The following TTC7A variants were observed in gnomAD, a reference collection of about 807,000 sequenced individuals.
The protein encoded by TTC7A is tetratricopeptide repeat domain 7A.
TTC7A carries 110 observed loss-of-function variants against 103.7 expected under a neutral mutation model. The ratio of observed to expected loss-of-function variants is 1.06; its 90% CI spans 0.91 to 1.24. The LOEUF (loss-of-function observed/expected upper bound fraction) is 1.24, where lower values mean the gene tolerates loss of function less well. TTC7A is among the 50% of genes most tolerant of loss of function. The pLI, the probability that TTC7A is intolerant of heterozygous loss-of-function variation, is 0.00. For synonymous variants in TTC7A, 521 were observed against 467.9 expected (o/e 1.11, Z -1.47); for missense variants, 1,340 against 1,116.3 (o/e 1.20, Z -2.86).
At chr2:47,039,276 A>C (rs980637513) in intron 15 of TTC7A, among the ~76,000 whole-genome samples, 26 of 152,214 alleles carry the variant, frequency 1.7e-4, no homozygotes, top group African/African-American at 6.3e-4. Flanking sequence ...GGTGCTGAGT[A>C]ACTACAGGGA....
chr2:47,042,118 T>C (rs1163226963), intron 15 of TTC7A, among the ~76,000 whole-genome samples: 1 of 152,160 alleles, frequency 6.6e-6, no homozygotes, highest in Non-Finnish European at 1.5e-5. Context: ...CCTTTTGTTA[T>C]GCAGATAAAA....
upstream of TTC7A, among the ~76,000 whole-genome samples, chr2:46,938,848 TAAA>T (rs201555721): frequency 9.0e-3 from 1,365 of 151,718 alleles, 48 homozygotes; most frequent in East Asian, 0.075. Context: ...CCGTCTCTAC[TAAA>T]AATACAAAAA....
At chr2:46,945,984 T>A (rs1039992419) in intron 1 of TTC7A, among the ~76,000 whole-genome samples, 2 of 152,158 alleles carry the variant, frequency 1.3e-5, no homozygotes, top group Non-Finnish European at 2.9e-5. Flanking sequence ...GTTTCCTGAC[T>A]GTGAATGGGT....
At chr2:46,973,782 A>AT (rs1673590290) in intron 3 of TTC7A, among the ~76,000 whole-genome samples, 1 of 152,126 alleles carries the variant, frequency 6.6e-6, no homozygotes, top group African/African-American at 2.4e-5. Flanking sequence ...GAGACAGAAA[A>AT]AAGTCGGGTA....
At chr2:46,966,030 A>G (rs1019361490) in intron 3 of TTC7A, among the ~76,000 whole-genome samples, 2 of 150,094 alleles carry the variant, frequency 1.3e-5, no homozygotes, top group Non-Finnish European at 3.0e-5. Flanking sequence ...GCTCACCGCA[A>G]CCTCCACCTC....
At chr2:46,978,692 C>G in intron 4 of TTC7A, 100 bp from the exon 5 acceptor site, 2 of 828,478 alleles carry the variant, frequency 2.4e-6, no homozygotes. Context: ...TGCCCCTGAA[C>G]AACTGGGACT....
intron 14 of TTC7A, 47 bp from the exon 15 acceptor site, chr2:47,029,177 G>A (rs1402585007): frequency 6.2e-7 from 1 of 1,606,618 alleles, no homozygotes; most frequent in Non-Finnish European, 8.5e-7. Context: ...TGAGTCCCAG[G>A]GCAGCATGTG....
intron 2 of TTC7A, among the ~76,000 whole-genome samples, chr2:46,929,725 G>GA (rs903313826): frequency 6.6e-6 from 1 of 152,122 alleles, no homozygotes; most frequent in African/African-American, 2.4e-5. Flanking sequence ...CAAAAAGCCA[G>GA]AAAAATAAGA....
At chr2:47,058,210 G>A (rs925979609) in intron 18 of TTC7A, among the ~76,000 whole-genome samples, 3 of 152,208 alleles carry the variant, frequency 2.0e-5, no homozygotes, top group African/African-American at 7.2e-5. Context: ...CCAGGGACTA[G>A]AGCCCGCATT....
intron 5 of TTC7A, among the ~76,000 whole-genome samples, chr2:46,981,822 G>A (rs1307042260): frequency 6.6e-6 from 1 of 152,232 alleles, no homozygotes. Context: ...TTGAGCTTGA[G>A]TTCTCAATTG....
chr2:47,056,550 C>T (rs1467504996), intron 18 of TTC7A, among the ~76,000 whole-genome samples: 2 of 152,214 alleles, frequency 1.3e-5, no homozygotes, highest in African/African-American at 4.8e-5. Context: ...TGGGCCCATC[C>T]CCCTGCCCGG....
intron 2 of TTC7A, among the ~76,000 whole-genome samples, chr2:46,926,274 A>C (rs1669378717): frequency 6.6e-6 from 1 of 152,220 alleles, no homozygotes; most frequent in South Asian, 2.1e-4. Context: ...GTTTAGTTCC[A>C]CACACTGAGT....
intron 8 of TTC7A, chr2:46,999,697 C>T (rs1045210365): frequency 1.0e-6 from 1 of 985,310 alleles, no homozygotes; most frequent in African/African-American, 1.7e-5. Context: ...ATCAAACCAG[C>T]CTGATTTTCT....
intron 17 of TTC7A, chr2:47,050,901 C>T (rs982229442): frequency 6.6e-6 from 1 of 152,150 alleles, no homozygotes; most frequent in South Asian, 2.1e-4. Flanking sequence ...CGTGGTTTGC[C>T]GTGAGGTCTC....
chr2:46,966,012 C>T (rs559883564), intron 3 of TTC7A, among the ~76,000 whole-genome samples: 22 of 152,194 alleles, frequency 1.4e-4, no homozygotes, highest in East Asian at 9.6e-4. Flanking sequence ...TGCAATGGCA[C>T]GATCTCAGCT....
At chr2:47,011,636 G>C (rs2104487290) in intron 11 of TTC7A, among the ~76,000 whole-genome samples, 1 of 152,356 alleles carries the variant, frequency 6.6e-6, no homozygotes, top group East Asian at 1.9e-4. Context: ...ACTCAGGATG[G>C]TGTCTGGTTT....
At chr2:47,064,245 C>G (rs1393817953) in intron 19 of TTC7A, among the ~76,000 whole-genome samples, 1 of 152,230 alleles carries the variant, frequency 6.6e-6, no homozygotes, top group Non-Finnish European at 1.5e-5. Flanking sequence ...GGCCAGGGGC[C>G]TCCGGGAAAC....
Position 47,074,382 on chromosome 2 carries a change from C to T in TTC7A, c.*459C>T, listed in dbSNP as rs1194731924. ...GAAGACTATGAGATTTCTGGGTTCCCTTCTCAGACTTGGAGTTAGTAGATG... is the reference window on the plus strand; with the variant it reads ...GAAGACTATGAGATTTCTGGGTTCCTTTCTCAGACTTGGAGTTAGTAGATG... On this transcript the variant is annotated 3_prime_UTR_variant, in exon 20 of 20. Transcript: ENST00000319190. 1 of 161,294 alleles carries T rather than the reference C, an allele frequency of 6.2e-6. No individual in the cohort carries two copies. The highest frequency in any genetic ancestry group is 2.4e-5 in the African/African-American group (1 of 41,590). The allele number at this position is 161,294 out of a possible 1,614,324, so 10.0% of individuals were successfully genotyped here.
At position 47,060,631 on chromosome 2, in the gene TTC7A, T is replaced by C. The variant is rs1683692243; in HGVS notation, c.2153-138T>C. 3 of 720,240 alleles carry C rather than the reference T, an allele frequency of 4.2e-6. No individual in the cohort carries two copies. In the African/African-American group the frequency reaches 5.3e-5, roughly 13 times the overall value. 44.6% of individuals were successfully genotyped at this position (720,240 alleles called of 1,614,324 possible). On this transcript the variant is annotated intron_variant, in intron 18 of 19. Transcript: ENST00000319190. ...TGTTCCCACTACATCCTATAGTCAGTGTGTCCCATGCTGTGATTTGGTGGG... is the reference window on the plus strand; with the variant it reads ...TGTTCCCACTACATCCTATAGTCAGCGTGTCCCATGCTGTGATTTGGTGGG...
Sources: gnomAD v4.1 joint callset for allele counts (sites outside exome capture counted in the v4.1 genomes callset) on GRCh38, gnomAD v4.1.1 for gene constraint, MANE v1.5 for transcripts, NCBI Gene and HGNC (gene_info 2026-07-23, HGNC 2026-07-21) for gene names.